Variants in MCM8 observed in about 807,000 individuals in gnomAD.
The protein encoded by MCM8 is DNA helicase MCM8.
MCM8 carries 85 observed loss-of-function variants against 98.9 expected under a neutral mutation model. That is an observed-to-expected ratio of 0.86 (90% CI 0.72 to 1.03). MCM8 has a LOEUF of 1.03. Among genes scored for constraint, MCM8 ranks in the 50% least tolerant of loss-of-function variants. The pLI, the probability that MCM8 is intolerant of heterozygous loss-of-function variation, is 0.00. For missense variants in MCM8, 951 were observed against 997.8 expected (o/e 0.95, Z 0.63); for synonymous variants, 352 against 338.6 (o/e 1.04, Z -0.44).
rs760679162 is a variant in MCM8 at position 5,955,085 on chromosome 20, A to G, written c.337-17A>G. The stretch of plus-strand genomic sequence containing the variant: ...ACAGAAAAGCAATTATTGTTTTCAT[A>G]CTTTTATATTTTATAGGATGAAATA... On this transcript the variant is annotated splice_polypyrimidine_tract_variant and intron_variant, in intron 4 of 18. Coordinates refer to ENST00000610722, the MANE Select transcript of MCM8 (RefSeq NM_032485.6). The G allele has an allele frequency of 4.5e-6, 7 of 1,539,216 alleles. No individual in the cohort carries two copies. In the African/African-American group the frequency reaches 5.5e-5, roughly 12 times the overall value.
chr20:5,994,421 G>C lies in MCM8; in HGVS notation c.*30G>C. The C allele has an allele frequency of 6.9e-7, 1 of 1,443,218 alleles. No individual in the cohort carries two copies. Among genetic ancestry groups the C allele is most frequent in the Non-Finnish European group, 9.6e-7 (1 of 1,045,274 alleles). 89.4% of individuals were successfully genotyped at this position (1,443,218 alleles called of 1,614,324 possible). The stretch of plus-strand genomic sequence containing the variant: ...ACTTCACCAAGTTAGGGCCTCCTGG[G>C]TTTATTGCAGATTAAAGCCATCTCA... On this transcript the variant is annotated 3_prime_UTR_variant, in exon 19 of 19. Coordinates refer to ENST00000610722, the MANE Select transcript of MCM8 (RefSeq NM_032485.6).
intron 14 of MCM8, 47 bp downstream of exon 14, chr20:5,983,212 A>AAAGTG: frequency 2.8e-6 from 4 of 1,442,544 alleles, no homozygotes; most frequent in East Asian, 2.4e-5. Flanking sequence ...GAATCACTTT[A>AAAGTG]ATTCAATAAG....
In MCM8 at chr20:5,962,252, A is replaced by G. The variant is rs758117868; in HGVS notation, c.790-1022A>G. On this transcript the variant is annotated intron_variant, in intron 7 of 18. Coordinates refer to ENST00000610722, the MANE Select transcript of MCM8 (RefSeq NM_032485.6). ...GAAATGGCCTTGCCTTTTGTGAGCT[A>G]GTCTCAGAAGTCGTGCAACATCACT... 8.0e-5 allele frequency among the ~76,000 whole-genome samples: 12 copies of G among 150,734 alleles called. 1 individual carries two copies. The highest frequency in any genetic ancestry group is 4.3e-4 in the South Asian group (2 of 4,660).
At chr20:5,957,604 G>A (rs895418222) in intron 6 of MCM8, among the ~76,000 whole-genome samples, 1 of 152,162 alleles carries the variant, frequency 6.6e-6, no homozygotes, top group African/African-American at 2.4e-5. Flanking sequence ...ACACGACACT[G>A]AAAGGAAATG....
At chr20:5,982,197 C>T (rs1366139810) in intron 13 of MCM8, among the ~76,000 whole-genome samples, 1 of 152,148 alleles carries the variant, frequency 6.6e-6, no homozygotes, top group Non-Finnish European at 1.5e-5. Context: ...TTTGTCTTCC[C>T]TGCTCCCCAT....
intron 7 of MCM8, among the ~76,000 whole-genome samples, chr20:5,960,682 T>C (rs756066446): frequency 3.5e-4 from 53 of 152,192 alleles, no homozygotes; most frequent in Non-Finnish European, 6.6e-4. Context: ...ATGCCTGTAA[T>C]CTCAGCACTT....
chr20:5,967,245 A>G (rs537621696), intron 8 of MCM8, among the ~76,000 whole-genome samples, 191 bp from the exon 9 acceptor site: 14 of 152,328 alleles, frequency 9.2e-5, no homozygotes, highest in Middle Eastern at 3.4e-3. Context: ...GAGGGAGGCT[A>G]GGCAAATACA....
At chr20:5,967,328 C>A (rs2089295997) in intron 8 of MCM8, 108 bp from the exon 9 acceptor site, 1 of 915,732 alleles carries the variant, frequency 1.1e-6, no homozygotes, top group African/African-American at 1.7e-5. Flanking sequence ...TGTTAATAAG[C>A]AAATCTGCTT....
At chr20:5,978,384 G>T (rs1211356128) in intron 13 of MCM8, among the ~76,000 whole-genome samples, 1 of 152,132 alleles carries the variant, frequency 6.6e-6, no homozygotes, top group African/African-American at 2.4e-5. Context: ...GTGGGATTTG[G>T]ATGTCTTGTG....
At chr20:5,976,279 C>T (rs1469736494) in intron 12 of MCM8, among the ~76,000 whole-genome samples, 1 of 152,032 alleles carries the variant, frequency 6.6e-6, no homozygotes, top group Non-Finnish European at 1.5e-5. Flanking sequence ...AATTAATTAG[C>T]CAGTCATGGT....
chr20:5,972,018 C>T lies in MCM8; in HGVS notation c.1235C>T (p.Pro412Leu). 1.1e-5 allele frequency: 17 copies of T among 1,611,530 alleles called. No homozygotes were observed. The highest frequency in any genetic ancestry group is 1.4e-5 in the Non-Finnish European group (17 of 1,178,772). ...LFKLIVNSLC[P>L]VIFGHELVKA... is the part of the protein sequence containing the mutation. ...GTTCTGTTTTTCAGCTCGCTTTGCCCTGTCATTTTTGGTCATGAAGTAAGT... is the reference window on the plus strand; with the variant it reads ...GTTCTGTTTTTCAGCTCGCTTTGCCTTGTCATTTTTGGTCATGAAGTAAGT... Residue 412 changes from proline (P) to leucine (L), a missense_variant, in exon 11 of 19, where the codon CCT (proline) becomes CTT (leucine). Transcript: ENST00000610722.
intron 8 of MCM8, among the ~76,000 whole-genome samples, chr20:5,964,198 G>C (rs1436275271): frequency 2.7e-5 from 4 of 146,622 alleles, no homozygotes; most frequent in African/African-American, 5.0e-5. Flanking sequence ...ATTTTTTCTA[G>C]CTGTAGATCT....
intron 13 of MCM8, among the ~76,000 whole-genome samples, chr20:5,978,524 A>G (rs371906334): frequency 1.2e-4 from 19 of 152,182 alleles, no homozygotes; most frequent in Non-Finnish European, 2.5e-4. Context: ...TCCTTTGCTC[A>G]CAGAGGACTT....
At position 5,967,526 on chromosome 20, in the gene MCM8, C is replaced by G. The variant is rs755049042; in HGVS notation, c.966C>G (p.Ser322Arg). The G allele has an allele frequency of 6.2e-7, 1 of 1,610,772 alleles. No individual in the cohort carries two copies. Among genetic ancestry groups the G allele is most frequent in the South Asian group, 1.1e-5 (1 of 91,008 alleles). ...AGCTTGTTCATGATCTTGTGGATAG[C>G]TGTGTCCCGGGAGACACAGTGACTA... is the stretch of plus-strand genomic sequence containing the variant. Reference protein sequence around the residue: ...ECELVHDLVDSCVPGDTVTIT... With the variant: ...ECELVHDLVDRCVPGDTVTIT... The change falls in exon 9 of 19, where the codon AGC (serine) becomes AGG (arginine). Residue 322 changes from serine (S) to arginine (R), a missense_variant. Coordinates refer to ENST00000610722, the MANE Select transcript of MCM8 (RefSeq NM_032485.6).
intron 7 of MCM8, among the ~76,000 whole-genome samples, chr20:5,962,352 CTTTTTTTT>C (rs926577182): frequency 2.0e-4 from 8 of 40,572 alleles, no homozygotes; most frequent in Non-Finnish European, 2.8e-4. Context: ...GCCTTCATTT[CTTTTTTTT>C]TTTTTTTTTT....
chr20:5,962,760 CA>C lies in MCM8; in HGVS notation c.790-513del, dbSNP rs370999603. 4.4e-3 allele frequency among the ~76,000 whole-genome samples: 676 copies of C among 152,268 alleles called. 2 individuals carry two copies. Among genetic ancestry groups the C allele is most frequent in the Non-Finnish European group, 6.8e-3 (460 of 68,026 alleles). ...ATCATATTTGGCAAATACAGTCTGCCACAGTCTGAATTTATAAATGCTTCTT... is the reference window on the plus strand; with the variant it reads ...ATCATATTTGGCAAATACAGTCTGCCCAGTCTGAATTTATAAATGCTTCTT... On this transcript the variant is annotated intron_variant, in intron 7 of 18. Transcript: ENST00000610722.
chr20:5,967,767 A>G, intron 9 of MCM8, 63 bp from the exon 10 acceptor site: 1 of 1,416,378 alleles, frequency 7.1e-7, no homozygotes, highest in Non-Finnish European at 9.6e-7. Context: ...TTTATATTCT[A>G]GTTGAGTCAT....
At chr20:5,970,620 G>C (rs13036265) in intron 10 of MCM8, among the ~76,000 whole-genome samples, 2,098 of 152,298 alleles carry the variant, frequency 0.014, 20 homozygotes, top group Non-Finnish European at 0.023. Flanking sequence ...GCAGATGCCA[G>C]TAGGAAGCCG....
intron 8 of MCM8, among the ~76,000 whole-genome samples, chr20:5,966,971 C>A (rs1412220705): frequency 6.6e-6 from 1 of 152,208 alleles, no homozygotes. Flanking sequence ...CGGTTGATTA[C>A]TGTTTTCTTC....
Sources: gnomAD v4.1 joint callset for allele counts (sites outside exome capture counted in the v4.1 genomes callset) on GRCh38, gnomAD v4.1.1 for gene constraint, MANE v1.5 for transcripts, NCBI Gene and HGNC (gene_info 2026-07-23, HGNC 2026-07-21) for gene names.